EMC3: variants seen among roughly 807,000 people sequenced by gnomAD.
EMC3 encodes 30 kDa protein.
In EMC3, 13 loss-of-function variants were observed where a neutral mutation model predicts 36.6. The ratio of observed to expected loss-of-function variants is 0.35; its 90% CI spans 0.23 to 0.56. EMC3 has a LOEUF of 0.56. Ranked by LOEUF, EMC3 falls within the 20% of genes least tolerant of loss-of-function variation. EMC3 has a pLI of 0.84. For synonymous variants in EMC3, 120 were observed against 111.9 expected (o/e 1.07, Z -0.46); for missense variants, 220 against 324.5 (o/e 0.68, Z 2.47).
chr3:9,971,165 C>T (rs552201540), intron 5 of EMC3, among the ~76,000 whole-genome samples: 3 of 152,178 alleles, frequency 2.0e-5, no homozygotes, highest in Non-Finnish European at 2.9e-5. Context: ...TCAAGTGATC[C>T]GCCCACCTCA....
At chr3:9,999,410 T>G (rs560875328) in intron 1 of EMC3, among the ~76,000 whole-genome samples, 1 of 152,188 alleles carries the variant, frequency 6.6e-6, no homozygotes, top group South Asian at 2.1e-4. Context: ...CCCAACTAAT[T>G]TTTGTATTTT....
chr3:10,010,557 C>T (rs1399175627), intron 1 of EMC3, among the ~76,000 whole-genome samples: 4 of 152,186 alleles, frequency 2.6e-5, no homozygotes, highest in Non-Finnish European at 5.9e-5. Flanking sequence ...CGTCATAGCC[C>T]CCACCTCTAT....
chr3:9,991,969 G>A (rs2086058651), intron 1 of EMC3, among the ~76,000 whole-genome samples: 1 of 152,120 alleles, frequency 6.6e-6, no homozygotes, highest in African/African-American at 2.4e-5. Flanking sequence ...TAATGCAGCC[G>A]CTAATCTGAC....
intron 1 of EMC3, chr3:10,007,427 G>A (rs779419069): frequency 1.0e-5 from 14 of 1,366,876 alleles, no homozygotes; most frequent in Non-Finnish European, 1.4e-5. Context: ...GGTCCCCAAA[G>A]TGCCTTAGGG....
At chr3:9,987,988 A>G (rs1161976166), upstream of EMC3, 1 of 925,860 alleles carries the variant, frequency 1.1e-6, no homozygotes, top group African/African-American at 1.6e-5. Flanking sequence ...AGTAAAGTTA[A>G]AAAGTAAAGG....
rs2086229851 is a variant in EMC3, at chr3:10,003,623, A to T, written c.-242+7400T>A. On this transcript the variant is annotated intron_variant, in intron 1 of 8. Coordinates refer to the EMC3 transcript ENST00000470827. ...TGATTGGGACCCAAATGGCCATCAA[A>T]ATCATCCCCAAGGCTGGCTCCCTTG... 4.3e-5 allele frequency: 9 copies of T among 209,632 alleles called. No individual in the cohort carries two copies. In the South Asian group the frequency reaches 6.7e-4, roughly 16 times the overall value. 13.0% of individuals were successfully genotyped at this position (209,632 alleles called of 1,614,324 possible).
chr3:9,986,874 A>G, upstream of EMC3: 1 of 1,359,090 alleles, frequency 7.4e-7, no homozygotes, highest in Non-Finnish European at 9.5e-7. Context: ...GTCGTGGCGC[A>G]CCTCAGTGGC....
chr3:10,006,163 C>A (rs1331635265), intron 1 of EMC3, among the ~76,000 whole-genome samples: 1 of 152,200 alleles, frequency 6.6e-6, no homozygotes, highest in Non-Finnish European at 1.5e-5. Context: ...GTCCCTGATA[C>A]ACCAAAAACC....
chr3:10,002,305 T>TTATTTTA (rs1356395503), intron 1 of EMC3, among the ~76,000 whole-genome samples: 2 of 151,920 alleles, frequency 1.3e-5, no homozygotes, highest in African/African-American at 2.4e-5. Context: ...TTATTTTATT[T>TTATTTTA]TGAGATAGTG....
chr3:10,008,198 G>A (rs552875215), intron 1 of EMC3: 144 of 360,610 alleles, frequency 4.0e-4, no homozygotes, highest in Non-Finnish European at 6.9e-4. Flanking sequence ...CTGTGAGAGG[G>A]CACATTCCCC....
intron 1 of EMC3, among the ~76,000 whole-genome samples, chr3:10,001,925 G>C (rs1204728478): frequency 6.6e-6 from 1 of 152,012 alleles, no homozygotes; most frequent in East Asian, 1.9e-4. Context: ...CATGAACCCA[G>C]GAGGTGGAGC....
chr3:9,994,573 C>T (rs1031208206), intron 1 of EMC3, among the ~76,000 whole-genome samples: 1 of 151,828 alleles, frequency 6.6e-6, no homozygotes, highest in Admixed American at 6.6e-5. Context: ...AAACATGAGA[C>T]ACTTTTTTTT....
At chr3:9,967,600 G>A (rs2085746462) in intron 7 of EMC3, among the ~76,000 whole-genome samples, 1 of 152,102 alleles carries the variant, frequency 6.6e-6, no homozygotes. Flanking sequence ...TTATTACTGT[G>A]CAGTTTTGAT....
At chr3:9,994,382 G>A (rs2086097109) in intron 1 of EMC3, 2 of 614,380 alleles carry the variant, frequency 3.3e-6, no homozygotes, top group East Asian at 7.1e-5. Flanking sequence ...ATCATCTAAT[G>A]CTTATTTTTT....
Position 9,986,578 on chromosome 3 carries a change from G to A in EMC3, c.84C>T (p.Gly28=). 6.2e-7 allele frequency: 1 copy of A among 1,614,202 alleles called. No individual in the cohort carries two copies. Among genetic ancestry groups the A allele is most frequent in the Non-Finnish European group, 8.5e-7 (1 of 1,180,042 alleles). The change falls in exon 1 of 8, where the codon GGC becomes GGT. Residue 28 remains glycine (G), a synonymous_variant. Transcript: ENST00000245046. ...LPIVIITFFV[G]MIRHYVSILL... ...GGATGGACACGTAGTGGCGGATCATGCCTACGAAGAAAGTGATGATAACGA... is the reference window on the plus strand; with the variant it reads ...GGATGGACACGTAGTGGCGGATCATACCTACGAAGAAAGTGATGATAACGA...
intron 1 of EMC3, among the ~76,000 whole-genome samples, chr3:10,001,841 C>G (rs2086204507): frequency 6.7e-6 from 1 of 150,326 alleles, no homozygotes; most frequent in South Asian, 2.1e-4. Context: ...ACTGAAAATA[C>G]AAAAAAAGTT....
intron 1 of EMC3, chr3:9,981,520 T>C (rs2124914456): frequency 6.3e-6 from 1 of 157,604 alleles, no homozygotes; most frequent in Admixed American, 6.3e-5. Context: ...GTATTTTTAT[T>C]TTCATGAATA....
At chr3:9,997,504 C>G (rs1448498820) in intron 1 of EMC3, among the ~76,000 whole-genome samples, 4 of 152,130 alleles carry the variant, frequency 2.6e-5, no homozygotes, top group Non-Finnish European at 5.9e-5. Context: ...CTGGCCCCCA[C>G]GCTGGAGCGC....
chr3:10,010,749 G>C (rs781425626), intron 1 of EMC3: 1 of 152,518 alleles, frequency 6.6e-6, no homozygotes, highest in Non-Finnish European at 1.5e-5. Flanking sequence ...GGAGCCTTAG[G>C]GGGAGAGGAC....
Sources: gnomAD v4.1 joint callset for allele counts (sites outside exome capture counted in the v4.1 genomes callset) on GRCh38, gnomAD v4.1.1 for gene constraint, MANE v1.5 for transcripts, NCBI Gene and HGNC (gene_info 2026-07-23, HGNC 2026-07-21) for gene names.